IMPA2: variants seen among roughly 807,000 people sequenced by gnomAD.
IMPA2 encodes inositol monophosphatase 2, also known as IMP 2.
In IMPA2, 32 loss-of-function variants were observed where a neutral mutation model predicts 35.1. The ratio of observed to expected loss-of-function variants is 0.91; its 90% CI spans 0.69 to 1.23. The LOEUF (loss-of-function observed/expected upper bound fraction) is 1.23. IMPA2 is among the 50% of genes most tolerant of loss of function. The pLI, the probability that IMPA2 is intolerant of heterozygous loss-of-function variation, is 0.00. For missense variants in IMPA2, 334 were observed against 387.6 expected, an observed-to-expected ratio of 0.86 and a Z score of 1.16; for synonymous variants, 135 against 160.6, an observed-to-expected ratio of 0.84 and a Z score of 1.20.
chr18:12,004,052 G>A (rs1176944526), intron 2 of IMPA2, among the ~76,000 whole-genome samples: 3 of 152,232 alleles, frequency 2.0e-5, no homozygotes, highest in African/African-American at 7.2e-5. Context: ...ACAGAGCAGT[G>A]TCTGTTGAAT....
At chr18:12,011,179 C>T (rs1433861302) in intron 3 of IMPA2, among the ~76,000 whole-genome samples, 1 of 152,238 alleles carries the variant, frequency 6.6e-6, no homozygotes, top group Non-Finnish European at 1.5e-5. Flanking sequence ...TTCCTGTCTG[C>T]ACCCCTGGGG....
intron 1 of IMPA2, among the ~76,000 whole-genome samples, chr18:11,985,999 C>G (rs1442110626): frequency 6.6e-6 from 1 of 152,180 alleles, no homozygotes; most frequent in Non-Finnish European, 1.5e-5. Flanking sequence ...GCTTTGTGAA[C>G]ACTTTGTTAG....
Position 12,030,737 on chromosome 18 carries a change from T to C in IMPA2, c.*279T>C. 5.1e-6 allele frequency: 2 copies of C among 393,920 alleles called. No homozygotes were observed. Among genetic ancestry groups the C allele is most frequent in the Non-Finnish European group, 9.2e-6 (2 of 217,384 alleles). The allele number at this position is 393,920 out of a possible 1,614,324, so 24.4% of individuals were successfully genotyped here. A position where few individuals can be genotyped will look rare whatever the true frequency, so the allele number is the denominator to read the frequency against. On this transcript the variant is annotated 3_prime_UTR_variant, in exon 8 of 8. Coordinates refer to ENST00000269159, the MANE Select transcript of IMPA2 (RefSeq NM_014214.3). ...GCCAAAACTCAAATCTCCTGTGAAA[T>C]ACGTATTGATAATCCAATCTTGATT...
At chr18:11,983,816 C>T (rs1906576689) in intron 1 of IMPA2, among the ~76,000 whole-genome samples, 1 of 152,064 alleles carries the variant, frequency 6.6e-6, no homozygotes, top group African/African-American at 2.4e-5. Context: ...GTCATCGGAA[C>T]CTGTGTAAAG....
At chr18:12,020,667 AG>A (rs1907704403) in intron 5 of IMPA2, among the ~76,000 whole-genome samples, 2 of 148,942 alleles carry the variant, frequency 1.3e-5, no homozygotes, top group Non-Finnish European at 3.0e-5. Context: ...TATTTAAAAA[AG>A]TTTCCTCTTT....
chr18:12,005,435 T>G (rs955840863), intron 2 of IMPA2, among the ~76,000 whole-genome samples: 6 of 151,440 alleles, frequency 4.0e-5, no homozygotes, highest in Non-Finnish European at 7.4e-5. Flanking sequence ...CAGTGAGCCA[T>G]GATTGTGCCA....
intron 1 of IMPA2, among the ~76,000 whole-genome samples, chr18:11,990,563 A>G (rs1459837696): frequency 6.6e-6 from 1 of 152,112 alleles, no homozygotes; most frequent in Non-Finnish European, 1.5e-5. Context: ...GCAGAATTGC[A>G]GGTGGGTGTC....
At position 11,992,693 on chromosome 18, in the gene IMPA2, A is replaced by G. The variant is rs192010950; in HGVS notation, c.97-6361A>G. Among the ~76,000 whole-genome samples, 63 of 152,310 alleles carry G rather than the reference A, an allele frequency of 4.1e-4. No homozygotes were observed. In the East Asian group the frequency reaches 9.8e-3, roughly 24 times the overall value. On this transcript the variant is annotated intron_variant, in intron 1 of 7. Transcript: ENST00000269159. ...CTTAGTTAGCGAGTAGCTGAAAAAC[A>G]TTAATTAAAAACCAGGATACCTAAC...
At chr18:11,984,847 A>C (rs904516244) in intron 1 of IMPA2, among the ~76,000 whole-genome samples, 4 of 149,728 alleles carry the variant, frequency 2.7e-5, no homozygotes, top group Admixed American at 2.6e-4. Context: ...GGGCGCCTGT[A>C]GTCCCAGCTA....
intron 5 of IMPA2, among the ~76,000 whole-genome samples, chr18:12,021,204 C>T (rs1309028093): frequency 1.3e-5 from 2 of 152,082 alleles, no homozygotes; most frequent in Middle Eastern, 3.2e-3. Context: ...CCAGCCTGGG[C>T]CACATAGCAA....
In IMPA2 at chr18:11,984,967, C is replaced by CAA. The variant is rs34748642; in HGVS notation, c.96+3219_96+3220dup. On this transcript the variant is annotated intron_variant, in intron 1 of 7. Transcript: ENST00000269159. Reference sequence around the variant, plus strand: ...TGAGCGACAGAGCAAGACTCCGTCTCAAAAAAAAAAAAAAAAAACAACAAA... The same window carrying CAA: ...TGAGCGACAGAGCAAGACTCCGTCTCAAAAAAAAAAAAAAAAAAAACAACAAA... 6.3e-4 allele frequency among the ~76,000 whole-genome samples: 55 copies of CAA among 87,742 alleles called. No individual in the cohort carries two copies. The East Asian group carries it at 0.013, about 20-fold the overall frequency. 57.6% of individuals were successfully genotyped at this position (87,742 alleles called of 152,430 possible). A position where few individuals can be genotyped will look rare whatever the true frequency, so the allele number is the denominator to read the frequency against.
intron 1 of IMPA2, among the ~76,000 whole-genome samples, chr18:11,989,486 G>A (rs942440622): frequency 5.9e-5 from 9 of 152,358 alleles, no homozygotes; most frequent in Admixed American, 2.0e-4. Context: ...GACAGCAGCT[G>A]GCAGGCACAG....
chr18:12,000,279 C>A (rs1122199), intron 2 of IMPA2, among the ~76,000 whole-genome samples: 25,563 of 150,972 alleles, frequency 0.17, 2,232 homozygotes, highest in South Asian at 0.31. Context: ...TTCCAGTGAT[C>A]CTCCTGCTTC....
intron 1 of IMPA2, among the ~76,000 whole-genome samples, chr18:11,988,641 A>G (rs1598682322): frequency 6.6e-6 from 1 of 152,260 alleles, no homozygotes. Context: ...GGCTGAGATG[A>G]CAGCCTCTGA....
intron 5 of IMPA2, among the ~76,000 whole-genome samples, chr18:12,016,141 C>G (rs1461270555): frequency 1.3e-5 from 2 of 152,220 alleles, no homozygotes; most frequent in African/African-American, 4.8e-5. Context: ...ATAGCTGCTG[C>G]TAGTCTGAGG....
chr18:12,024,841 CT>C (rs1334202844), intron 5 of IMPA2, among the ~76,000 whole-genome samples: 1 of 151,876 alleles, frequency 6.6e-6, no homozygotes, highest in East Asian at 1.9e-4. Context: ...TATACACCTC[CT>C]GTCCCCACAC....
Position 11,984,750 on chromosome 18 carries a change from A to G in IMPA2, c.96+2985A>G, listed in dbSNP as rs568066115. ...TGGGAGGCCGAGGTGGGCAGATCAC[A>G]AGGTCAGGAGATCAAGACCATCCTG... On this transcript the variant is annotated intron_variant, in intron 1 of 7. Coordinates refer to ENST00000269159, the MANE Select transcript of IMPA2 (RefSeq NM_014214.3). 7.9e-5 allele frequency among the ~76,000 whole-genome samples: 12 copies of G among 151,806 alleles called. No individual in the cohort carries two copies. In the East Asian group the frequency reaches 9.7e-4, roughly 12 times the overall value.
chr18:11,999,239 G>T (rs1313304926), intron 2 of IMPA2, 52 bp downstream of exon 2: 2 of 1,566,662 alleles, frequency 1.3e-6, no homozygotes, highest in Non-Finnish European at 1.7e-6. Context: ...CACACTCATA[G>T]AGAATGCAGG....
At position 11,996,608 on chromosome 18, in the gene IMPA2, C is replaced by T. The variant is rs118095883; in HGVS notation, c.97-2446C>T. Among the ~76,000 whole-genome samples, 79 of 152,248 alleles carry T rather than the reference C, an allele frequency of 5.2e-4. 1 individual carries two copies. In the East Asian group the frequency reaches 0.011, roughly 22 times the overall value. On this transcript the variant is annotated intron_variant, in intron 1 of 7. Transcript: ENST00000269159. Reference sequence around the variant, plus strand: ...CCTGGTCTCCTAGTGGCTCTCTTCACGTGGGAGTTTGAGACTCTGCTCTAG... The same window carrying T: ...CCTGGTCTCCTAGTGGCTCTCTTCATGTGGGAGTTTGAGACTCTGCTCTAG...
Sources: gnomAD v4.1 joint callset for allele counts (sites outside exome capture counted in the v4.1 genomes callset) on GRCh38, gnomAD v4.1.1 for gene constraint, MANE v1.5 for transcripts, NCBI Gene and HGNC (gene_info 2026-07-23, HGNC 2026-07-21) for gene names.